UBR4: variants seen among roughly 807,000 people sequenced by gnomAD.
UBR4 encodes the protein ubiquitin protein ligase E3 component n-recognin 4, also known as E3 ubiquitin-protein ligase UBR4.
In UBR4, 124 loss-of-function variants were observed where a neutral mutation model predicts 575.6. The observed-to-expected ratio is 0.22, with a 90% CI of 0.19 to 0.25. The LOEUF (loss-of-function observed/expected upper bound fraction) is 0.25. UBR4 is among the 10% of genes least tolerant of loss of function. The pLI is 1.00. For missense variants in UBR4, 4,818 were observed against 6,478.8 expected (o/e 0.74, Z 8.80); for synonymous variants, 2,455 against 2,473.7 (o/e 0.99, Z 0.22).
In UBR4 at chr1:19,144,073, A is replaced by G; in HGVS notation, c.8086T>C (p.Ser2696Pro). The change falls in exon 55 of 106, where the codon TCT becomes CCT. Residue 2696 changes from serine to proline, a missense_variant. Physicochemically the swap from Ser to Pro is moderately conservative, Grantham distance 74. Transcript: ENST00000375254. The part of the protein sequence containing the change: ...LLCPDPAVSF[S>P]CKQALIRVLR... ...ACTCGAATTAGAGCTTGTTTACAAG[A>G]GAAGCTCACAGCAGGATCCTGAGGT... The G allele has an allele frequency of 6.2e-7, 1 of 1,614,028 alleles. No individual in the cohort carries two copies. Among genetic ancestry groups the G allele is most frequent in the Non-Finnish European group, 8.5e-7 (1 of 1,179,896 alleles).
At position 19,163,803 on chromosome 1, in the gene UBR4, A is replaced by T. The variant is rs1411016855; in HGVS notation, c.4725T>A (p.Asn1575Lys). 1 of 1,614,166 alleles carries T rather than the reference A, an allele frequency of 6.2e-7. No homozygotes were observed. Among genetic ancestry groups the T allele is most frequent in the African/African-American group, 1.3e-5 (1 of 75,048 alleles). ...CATTGGCATTCAGTTTTTCAACTAC[A>T]TTCTTCTGTGACAGGTATTTCTTGC... ...SRCKKYLSQK[N>K]VVEKLNANVM... is the part of the protein sequence containing the mutation. The change falls in exon 34 of 106, where the codon AAT becomes AAA. Residue 1575 changes from asparagine to lysine, a missense_variant. Asn to Lys is a moderately conservative substitution (Grantham distance 94, BLOSUM62 0). Around this residue, in one of 29 missense-constraint regions of UBR4, gnomAD observed 1,172 missense variants for 1,259.7 expected, o/e 0.93. Coordinates refer to ENST00000375254, the MANE Select transcript of UBR4 (RefSeq NM_020765.3).
chr1:19,133,782 C>CA (rs56737453), intron 60 of UBR4, among the ~76,000 whole-genome samples: 14,987 of 141,552 alleles, frequency 0.11, 782 homozygotes, highest in Non-Finnish European at 0.13. Flanking sequence ...GCTGTCTCAA[C>CA]AAAAAAAAAA....
At chr1:19,209,473 G>T (rs1375352882) in intron 1 of UBR4, among the ~76,000 whole-genome samples, 5 of 152,208 alleles carry the variant, frequency 3.3e-5, no homozygotes, top group Non-Finnish European at 7.3e-5. Context: ...GGGATGGGAG[G>T]CAGCAAGAGA....
At chr1:19,115,293 A>C in intron 74 of UBR4, 105 bp downstream of exon 74, 1 of 1,477,678 alleles carries the variant, frequency 6.8e-7, no homozygotes, top group Non-Finnish European at 9.0e-7. Flanking sequence ...AATTCTCTAA[A>C]TGTTCTGAGG....
rs2090606597 is a variant in UBR4 at position 19,179,162 on chromosome 1, T to C, written c.2243A>G (p.Tyr748Cys). ...CACAGAGAGGCTTTGAGGGTGAATG[T>C]ACAAGGGCCAAGGGCCCTCAGAAAA... is the stretch of plus-strand genomic sequence containing the variant. The part of the protein sequence containing the change: ...APFSEGPWPL[Y>C]IHPQSLSVLS... The change falls in exon 18 of 106, where the codon TAC (tyrosine) becomes TGC (cysteine). Residue 748 changes from tyrosine to cysteine, a missense_variant. By Grantham distance (194) the Tyr-to-Cys change is radical. Coordinates refer to ENST00000375254, the MANE Select transcript of UBR4 (RefSeq NM_020765.3). 6.2e-7 allele frequency: 1 copy of C among 1,611,628 alleles called. No individual in the cohort carries two copies. Among genetic ancestry groups the C allele is most frequent in the African/African-American group, 1.3e-5 (1 of 74,604 alleles).
At chr1:19,150,166 T>C (rs766402359) in intron 49 of UBR4, among the ~76,000 whole-genome samples, 1 of 152,168 alleles carries the variant, frequency 6.6e-6, no homozygotes, top group Non-Finnish European at 1.5e-5. Flanking sequence ...GCAATGTTAT[T>C]ATCACAGAAG....
intron 18 of UBR4, 27 bp downstream of exon 18, chr1:19,179,024 A>G: frequency 1.2e-6 from 2 of 1,606,094 alleles, no homozygotes; most frequent in Non-Finnish European, 1.7e-6. Context: ...AACTTTCTCT[A>G]TAGGCCTTCT....
intron 59 of UBR4, 112 bp downstream of exon 59, chr1:19,138,971 T>C: frequency 2.3e-6 from 3 of 1,291,524 alleles, no homozygotes; most frequent in Non-Finnish European, 3.0e-6. Context: ...AGACTTTCAA[T>C]GAGTCTCTAT....
chr1:19,164,479 C>T (rs1557861952), intron 32 of UBR4, 38 bp from the exon 33 acceptor site: 1 of 1,587,640 alleles, frequency 6.3e-7, no homozygotes, highest in Non-Finnish European at 8.6e-7. Flanking sequence ...GAATAATCAA[C>T]AGGAATCTCA....
chr1:19,113,983 G>A lies in UBR4; in HGVS notation c.11290C>T (p.Leu3764Phe). ...MGHRPQLENL[L>F]CKVNEAAPEK... is the part of the protein sequence containing the mutation. Reference sequence around the variant, plus strand: ...GGAGCTGCCTCATTCACTTTGCAGAGCAGGTTCTCCAGCTGTGGCCGGTGT... The same window carrying A: ...GGAGCTGCCTCATTCACTTTGCAGAACAGGTTCTCCAGCTGTGGCCGGTGT... Residue 3764 changes from leucine to phenylalanine, a missense_variant, in exon 76 of 106, where the codon CTC becomes TTC. Transcript: ENST00000375254. The A allele has an allele frequency of 1.2e-6, 2 of 1,614,248 alleles. No individual in the cohort carries two copies. Among genetic ancestry groups the A allele is most frequent in the Non-Finnish European group, 1.7e-6 (2 of 1,180,040 alleles).
chr1:19,128,151 A>C, intron 62 of UBR4, 60 bp downstream of exon 62: 1 of 1,503,104 alleles, frequency 6.7e-7, no homozygotes, highest in Non-Finnish European at 9.3e-7. Context: ...AACGAATGGG[A>C]ACCTGAGAAA....
At chr1:19,146,693 A>G (rs1269153378) in intron 52 of UBR4, 133 bp downstream of exon 52, 7 of 1,233,044 alleles carry the variant, frequency 5.7e-6, no homozygotes, top group Non-Finnish European at 6.8e-6. Context: ...CCTACAAGGT[A>G]TAAAGACCAG....
At chr1:19,175,510 C>A (rs1029102178) in intron 20 of UBR4, among the ~76,000 whole-genome samples, 2 of 152,144 alleles carry the variant, frequency 1.3e-5, no homozygotes, top group African/African-American at 4.8e-5. Context: ...ATCTAATAAT[C>A]CTCAGGGTAA....
chr1:19,084,604 T>C lies in UBR4; in HGVS notation c.14908A>G (p.Met4970Val). 6.2e-7 allele frequency: 1 copy of C among 1,614,162 alleles called. No homozygotes were observed. Among genetic ancestry groups the C allele is most frequent in the Non-Finnish European group, 8.5e-7 (1 of 1,179,984 alleles). ...DIKLLFLRFA[M>V]EQSFSADTGG... ...GTGTCTGCGCTGAACGACTGCTCCA[T>C]GGCGAAGCGCAGGAAGAGCAGTTTG... Residue 4970 changes from methionine to valine, a missense_variant, in exon 102 of 106, where the codon ATG becomes GTG. Met to Val is a conservative substitution (Grantham distance 21). Coordinates refer to ENST00000375254, the MANE Select transcript of UBR4 (RefSeq NM_020765.3).
At position 19,096,536 on chromosome 1, in the gene UBR4, C is replaced by T; in HGVS notation, c.13505G>A (p.Arg4502His). 1 of 1,612,814 alleles carries T rather than the reference C, an allele frequency of 6.2e-7. No homozygotes were observed. The highest frequency in any genetic ancestry group is 8.5e-7 in the Non-Finnish European group (1 of 1,179,458). The stretch of plus-strand genomic sequence containing the variant: ...CCCCCAACTCACTGTTAGAAGGTGG[C>T]GTCCCTGCTTGAAATCTCTGATCCC... Reference protein sequence around the residue: ...LAGIRDFKQGRHLLTVLLKLF... With the variant: ...LAGIRDFKQGHHLLTVLLKLF... The change falls in exon 92 of 106, where the codon CGC becomes CAC. Residue 4502 changes from arginine (R) to histidine (H), a missense_variant. Physicochemically the swap from Arg to His is conservative, Grantham distance 29 (BLOSUM62 0). Coordinates refer to ENST00000375254, the MANE Select transcript of UBR4 (RefSeq NM_020765.3).
chr1:19,143,903 T>C (rs1464369387), intron 55 of UBR4, 77 bp downstream of exon 55: 7 of 1,346,592 alleles, frequency 5.2e-6, no homozygotes, highest in Non-Finnish European at 7.4e-6. Flanking sequence ...ATGAGCAGCA[T>C]GCCCAATGCT....
chr1:19,172,107 A>G (rs1224081303), intron 25 of UBR4, among the ~76,000 whole-genome samples: 1 of 152,236 alleles, frequency 6.6e-6, no homozygotes, highest in Non-Finnish European at 1.5e-5. Flanking sequence ...CATACAGACC[A>G]AAGTCTACAG....
At chr1:19,128,954 A>T (rs746850322) in intron 61 of UBR4, 24 bp downstream of exon 61, 5 of 1,599,986 alleles carry the variant, frequency 3.1e-6, no homozygotes, top group Non-Finnish European at 3.4e-6. Context: ...GACCTGACAG[A>T]GATCCAGGTG....
chr1:19,077,927 C>T (rs1181872731), intron 104 of UBR4, 49 bp downstream of exon 104: 1 of 1,612,434 alleles, frequency 6.2e-7, no homozygotes, highest in Non-Finnish European at 8.5e-7. Context: ...GGAGTGCAGA[C>T]ATTTTACACT....
Sources: gnomAD v4.1 joint callset for allele counts (sites outside exome capture counted in the v4.1 genomes callset) on GRCh38, gnomAD v4.1.1 for gene constraint, gnomAD v4.1.1 regional missense constraint, MANE v1.5 for transcripts, NCBI Gene and HGNC (gene_info 2026-07-23, HGNC 2026-07-21) for gene names.